The following SLC12A2 variants were observed in gnomAD, a reference collection of about 807,000 sequenced individuals.
The protein encoded by SLC12A2 is solute carrier family 12 member 2.
In SLC12A2, 67 loss-of-function variants were observed where a neutral mutation model predicts 136.3. That is an observed-to-expected ratio of 0.49 (90% CI 0.40 to 0.60). SLC12A2 has a LOEUF of 0.60. Ranked by LOEUF, SLC12A2 falls within the 20% of genes least tolerant of loss-of-function variation. The pLI is 0.00. For synonymous variants in SLC12A2, 619 were observed against 562.9 expected (o/e 1.10, Z -1.41); for missense variants, 1,322 against 1,534.7 (o/e 0.86, Z 2.32).
chr5:128,114,554 A>AGTATTCTCATTGTCTTTCTTTCTTC, intron 3 of SLC12A2, 32 bp from the exon 4 acceptor site: 2 of 1,394,806 alleles, frequency 1.4e-6, no homozygotes, highest in Non-Finnish European at 2.0e-6. Flanking sequence ...CAAGAGTGTA[A>AGTATTCTCATTGTCTTTCTTTCTTC]GTATTCTCAT....
intron 4 of SLC12A2, among the ~76,000 whole-genome samples, chr5:128,122,173 A>C (rs1020872695): frequency 6.6e-6 from 1 of 152,244 alleles, no homozygotes; most frequent in African/African-American, 2.4e-5. Context: ...GTATCTTTTC[A>C]GATAAAAGCC....
At chr5:128,097,785 T>G (rs1340871782) in intron 1 of SLC12A2, among the ~76,000 whole-genome samples, 1 of 152,138 alleles carries the variant, frequency 6.6e-6, no homozygotes, top group Admixed American at 6.6e-5. Context: ...GAAAAATATG[T>G]ATGGTTTTTA....
At chr5:128,164,646 G>A (rs953453054) in intron 17 of SLC12A2, among the ~76,000 whole-genome samples, 1 of 152,070 alleles carries the variant, frequency 6.6e-6, no homozygotes. Flanking sequence ...TTTGGCAAAA[G>A]AATTTTGTAC....
Position 128,174,660 on chromosome 5 carries a change from C to T in SLC12A2, c.2923C>T (p.His975Tyr). The change falls in exon 20 of 27, where the codon CAC (histidine) becomes TAC (tyrosine). Residue 975 changes from histidine to tyrosine, a missense_variant. Coordinates refer to ENST00000262461, the MANE Select transcript of SLC12A2 (RefSeq NM_001046.3). The part of the protein sequence containing the change: ...SKPLSEKPIT[H>Y]KVEEEDGKTA... ...ACCACTCAGTGAAAAACCAATTACA[C>T]ACAAAGGTAATTTTCATTCAAACAA... The T allele has an allele frequency of 1.3e-6, 2 of 1,588,072 alleles. No individual in the cohort carries two copies. Among genetic ancestry groups the T allele is most frequent in the Non-Finnish European group, 1.7e-6 (2 of 1,169,404 alleles).
chr5:128,096,378 G>A (rs1395565361), intron 1 of SLC12A2, among the ~76,000 whole-genome samples: 1 of 151,996 alleles, frequency 6.6e-6, no homozygotes, highest in Non-Finnish European at 1.5e-5. Flanking sequence ...CAGAATAGTT[G>A]GGTCTAGATA....
At chr5:128,095,673 AT>A (rs903671045) in intron 1 of SLC12A2, among the ~76,000 whole-genome samples, 9 of 151,806 alleles carry the variant, frequency 5.9e-5, no homozygotes, top group African/African-American at 2.2e-4. Context: ...ACATTATGAA[AT>A]TTTTTTTGCA....
At chr5:128,139,815 A>G (rs1762302684) in intron 9 of SLC12A2, among the ~76,000 whole-genome samples, 1 of 152,198 alleles carries the variant, frequency 6.6e-6, no homozygotes. Flanking sequence ...TGAGGTTTCT[A>G]TTGGATTTGG....
intron 17 of SLC12A2, among the ~76,000 whole-genome samples, chr5:128,163,610 G>GA (rs1395666852): frequency 6.6e-6 from 1 of 152,098 alleles, no homozygotes; most frequent in Non-Finnish European, 1.5e-5. Flanking sequence ...TCACAGAAAT[G>GA]AAAATGTAGT....
intron 1 of SLC12A2, among the ~76,000 whole-genome samples, chr5:128,096,165 G>A (rs1760530472): frequency 6.6e-6 from 1 of 152,002 alleles, no homozygotes; most frequent in Admixed American, 6.6e-5. Context: ...TATTAGGAAA[G>A]GTAATAGGTA....
chr5:128,160,063 A>G (rs1762991183), intron 16 of SLC12A2, among the ~76,000 whole-genome samples: 1 of 152,208 alleles, frequency 6.6e-6, no homozygotes, highest in African/African-American at 2.4e-5. Context: ...CAGCCATAAA[A>G]AAGAATGAGT....
chr5:128,166,998 A>T (rs1165606821), intron 17 of SLC12A2, among the ~76,000 whole-genome samples: 1 of 152,106 alleles, frequency 6.6e-6, no homozygotes, highest in Non-Finnish European at 1.5e-5. Flanking sequence ...TTGAAAAAAT[A>T]ATAATACAAC....
intron 1 of SLC12A2, among the ~76,000 whole-genome samples, chr5:128,095,948 C>T (rs1255116566): frequency 2.0e-5 from 3 of 151,974 alleles, no homozygotes; most frequent in Non-Finnish European, 1.5e-5. Flanking sequence ...TTTGAAATAC[C>T]CTGATATTGA....
At chr5:128,182,222 A>G (rs1477143389) in intron 23 of SLC12A2, among the ~76,000 whole-genome samples, 6 of 152,160 alleles carry the variant, frequency 3.9e-5, no homozygotes, top group Non-Finnish European at 5.9e-5. Context: ...TTTATTACAA[A>G]TAAAATTGCA....
At chr5:128,128,805 TAAA>T (rs74617853) in intron 4 of SLC12A2, among the ~76,000 whole-genome samples, 1,915 of 138,402 alleles carry the variant, frequency 0.014, 46 homozygotes, top group African/African-American at 0.046. Context: ...GGTAGATCTT[TAAA>T]AAAAAAAAAA....
At chr5:128,135,863 A>G (rs2126704456) in intron 7 of SLC12A2, 55 bp downstream of exon 7, 1 of 961,222 alleles carries the variant, frequency 1.0e-6, no homozygotes, top group Non-Finnish European at 1.6e-6. Flanking sequence ...GAATTCTATC[A>G]TCAATTAAAT....
intron 16 of SLC12A2, among the ~76,000 whole-genome samples, chr5:128,161,027 T>G (rs1763018195): frequency 6.6e-6 from 1 of 152,160 alleles, no homozygotes; most frequent in African/African-American, 2.4e-5. Context: ...AAAAGGTAAA[T>G]TATATTTTTA....
intron 2 of SLC12A2, 130 bp from the exon 3 acceptor site, chr5:128,114,082 G>C: frequency 7.4e-6 from 5 of 673,332 alleles, no homozygotes. Flanking sequence ...GGTGGGGTAG[G>C]AGTTAGATTT....
At chr5:128,103,137 A>AT (rs943937442) in intron 1 of SLC12A2, among the ~76,000 whole-genome samples, 1 of 152,122 alleles carries the variant, frequency 6.6e-6, no homozygotes, top group Non-Finnish European at 1.5e-5. Context: ...AAAGGTGTGC[A>AT]TTTTTTCAAC....
intron 10 of SLC12A2, among the ~76,000 whole-genome samples, chr5:128,146,963 A>G (rs1762547874): frequency 6.6e-6 from 1 of 151,704 alleles, no homozygotes; most frequent in South Asian, 2.1e-4. Flanking sequence ...AGTCAGAAAA[A>G]TCCAGAGTAT....
Sources: gnomAD v4.1 joint callset for allele counts (sites outside exome capture counted in the v4.1 genomes callset) on GRCh38, gnomAD v4.1.1 for gene constraint, MANE v1.5 for transcripts, NCBI Gene and HGNC (gene_info 2026-07-23, HGNC 2026-07-21) for gene names.